Variants in GRID2 observed in about 807,000 individuals in gnomAD.
The protein encoded by GRID2 is glutamate receptor ionotropic, delta-2.
GRID2 carries 33 observed loss-of-function variants against 114.8 expected under a neutral mutation model. That is an observed-to-expected ratio of 0.29 (90% confidence interval 0.22 to 0.38). The LOEUF is 0.38. Among genes scored for constraint, GRID2 ranks in the 10% least tolerant of loss-of-function variants. GRID2 has a pLI of 1.00. For synonymous variants in GRID2, 505 were observed against 449.9 expected (o/e 1.12, Z -1.55); for missense variants, 1,184 against 1,257.7 (o/e 0.94, Z 0.89).
At chr4:93,117,737 G>A (rs963825888) in intron 4 of GRID2, among the ~76,000 whole-genome samples, 1 of 152,104 alleles carries the variant, frequency 6.6e-6, no homozygotes, top group Non-Finnish European at 1.5e-5. Context: ...GTGTCCCTAA[G>A]CACAAGAAAG....
At chr4:92,715,688 A>G (rs1044800164) in intron 2 of GRID2, among the ~76,000 whole-genome samples, 2 of 152,138 alleles carry the variant, frequency 1.3e-5, no homozygotes, top group Non-Finnish European at 2.9e-5. Flanking sequence ...TTATAAAACC[A>G]TCAGATCTGA....
Position 93,772,057 on chromosome 4 carries a change from T to G in GRID2, c.2602-19T>G. The G allele has an allele frequency of 6.5e-7, 1 of 1,536,112 alleles. No individual in the cohort carries two copies. Among genetic ancestry groups the G allele is most frequent in the Non-Finnish European group, 9.0e-7 (1 of 1,113,036 alleles). On this transcript the variant is annotated intron_variant, in intron 15 of 15. Coordinates refer to ENST00000282020, the MANE Select transcript of GRID2 (RefSeq NM_001510.4). The stretch of plus-strand genomic sequence containing the variant: ...GCTAGTACTGATGAGAACCTTATTT[T>G]CTTTTTCTTCATCTCCAGGATGACA...
At chr4:93,395,408 A>G (rs1765234401) in intron 8 of GRID2, among the ~76,000 whole-genome samples, 199 bp from the exon 9 acceptor site, 1 of 152,018 alleles carries the variant, frequency 6.6e-6, no homozygotes, top group South Asian at 2.1e-4. Flanking sequence ...GGGTACTGTC[A>G]TGTGCCATAT....
At chr4:92,314,867 A>T (rs1434182477) in intron 1 of GRID2, among the ~76,000 whole-genome samples, 5 of 152,180 alleles carry the variant, frequency 3.3e-5, no homozygotes, top group Non-Finnish European at 7.4e-5. Context: ...TTACAGGGCA[A>T]AGTTTATCAT....
At chr4:93,286,686 TGTG>T (rs1753188593) in intron 8 of GRID2, among the ~76,000 whole-genome samples, 1 of 144,968 alleles carries the variant, frequency 6.9e-6, no homozygotes, top group African/African-American at 2.8e-5. Context: ...TATGTGTGTG[TGTG>T]TGGGGGTGTG....
At chr4:92,606,021 GTTC>G (rs1184703302) in intron 2 of GRID2, among the ~76,000 whole-genome samples, 31 of 136,782 alleles carry the variant, frequency 2.3e-4, no homozygotes, top group African/African-American at 7.8e-4. Context: ...TCCTGTAAGT[GTTC>G]TTCTTTCCAG....
intron 4 of GRID2, among the ~76,000 whole-genome samples, chr4:93,149,293 G>A (rs1012588846): frequency 6.6e-6 from 1 of 152,140 alleles, no homozygotes; most frequent in East Asian, 1.9e-4. Context: ...ACAACCTGGT[G>A]CCAGGCAGGG....
intron 2 of GRID2, among the ~76,000 whole-genome samples, chr4:92,772,908 A>G (rs555096865): frequency 6.6e-6 from 1 of 152,190 alleles, no homozygotes; most frequent in Non-Finnish European, 1.5e-5. Flanking sequence ...GAACCTCAGC[A>G]TCTACTTCAG....
chr4:92,518,920 C>G (rs187019730), intron 1 of GRID2, among the ~76,000 whole-genome samples: 224 of 151,768 alleles, frequency 1.5e-3, no homozygotes, highest in African/African-American at 5.3e-3. Context: ...AATAAATAGC[C>G]TATTGGGATA....
intron 13 of GRID2, among the ~76,000 whole-genome samples, chr4:93,573,287 C>A (rs956428938): frequency 1.3e-5 from 2 of 152,110 alleles, no homozygotes; most frequent in Non-Finnish European, 2.9e-5. Flanking sequence ...TTTTGAGGTA[C>A]CTTTTCTTAT....
chr4:93,464,555 A>C (rs940172088), intron 11 of GRID2, among the ~76,000 whole-genome samples: 1 of 152,202 alleles, frequency 6.6e-6, no homozygotes, highest in African/African-American at 2.4e-5. Flanking sequence ...AAAGTGGTAC[A>C]AGCTTTACTT....
intron 2 of GRID2, among the ~76,000 whole-genome samples, chr4:92,968,497 C>T (rs1352332925): frequency 6.6e-6 from 1 of 151,766 alleles, no homozygotes; most frequent in African/African-American, 2.4e-5. Flanking sequence ...TAAATATATG[C>T]AGAACACATT....
At chr4:92,945,459 C>G (rs1751552471) in intron 2 of GRID2, among the ~76,000 whole-genome samples, 1 of 151,994 alleles carries the variant, frequency 6.6e-6, no homozygotes, top group Non-Finnish European at 1.5e-5. Context: ...AAAAATGTGG[C>G]TAGGTTTTTT....
At chr4:92,542,249 G>A (rs1321437881) in intron 1 of GRID2, among the ~76,000 whole-genome samples, 1 of 152,022 alleles carries the variant, frequency 6.6e-6, no homozygotes, top group Non-Finnish European at 1.5e-5. Context: ...GGAGTTAGAG[G>A]CTGGAGTGAG....
In GRID2 at chr4:92,965,450, T is replaced by TAAAAAA. The variant is rs869285420; in HGVS notation, c.245-119511_245-119506dup. Reference sequence around the variant, plus strand: ...AGGGTTGCCATAAACATTCAATTTGTAAAAAAAAAAAAAAAAAAAAAAAAA... The same window carrying TAAAAAA: ...AGGGTTGCCATAAACATTCAATTTGTAAAAAAAAAAAAAAAAAAAAAAAAAAAAAAA... On this transcript the variant is annotated intron_variant, in intron 2 of 15. Coordinates refer to ENST00000282020, the MANE Select transcript of GRID2 (RefSeq NM_001510.4). Among the ~76,000 whole-genome samples, 435 of 85,580 alleles carry TAAAAAA rather than the reference T, an allele frequency of 5.1e-3. 19 individuals carry two copies. The highest frequency in any genetic ancestry group is 7.0e-3 in the Non-Finnish European group (291 of 41,716). The allele number at this position is 85,580 out of a possible 152,430, so 56.1% of individuals were successfully genotyped here.
intron 2 of GRID2, among the ~76,000 whole-genome samples, chr4:92,719,811 A>C (rs1735728194): frequency 6.6e-6 from 1 of 152,180 alleles, no homozygotes; most frequent in African/African-American, 2.4e-5. Context: ...GTATGTTTGT[A>C]GAGAACTTTC....
Position 92,716,416 on chromosome 4 carries a change from C to T in GRID2, c.244+126130C>T, listed in dbSNP as rs188386426. 1.6e-4 allele frequency among the ~76,000 whole-genome samples: 25 copies of T among 152,276 alleles called. No homozygotes were observed. The East Asian group carries it at 4.6e-3, about 28-fold the overall frequency. On this transcript the variant is annotated intron_variant, in intron 2 of 15. Coordinates refer to ENST00000282020, the MANE Select transcript of GRID2 (RefSeq NM_001510.4). Reference sequence around the variant, plus strand: ...GTCTGGCCCTGTAGTGGTCATGTCCCCTGCCTTAAAAGGCTTTGAGATGTT... The same window carrying T: ...GTCTGGCCCTGTAGTGGTCATGTCCTCTGCCTTAAAAGGCTTTGAGATGTT...
intron 14 of GRID2, among the ~76,000 whole-genome samples, chr4:93,677,187 G>T (rs1474625325): frequency 2.6e-5 from 4 of 152,204 alleles, no homozygotes; most frequent in Non-Finnish European, 4.4e-5. Flanking sequence ...TAACACAGCA[G>T]TCTGAGATCA....
At chr4:92,633,975 A>G (rs1730936544) in intron 2 of GRID2, among the ~76,000 whole-genome samples, 2 of 152,058 alleles carry the variant, frequency 1.3e-5, no homozygotes, top group South Asian at 4.1e-4. Context: ...GATAAGCACA[A>G]GTTTACCTCT....
Sources: allele counts gnomAD v4.1 joint callset (sites outside exome capture counted in the v4.1 genomes callset), GRCh38; gene constraint gnomAD v4.1.1; transcripts MANE v1.5; gene names NCBI Gene and HGNC (gene_info 2026-07-23, HGNC 2026-07-21).